Variants in YAF2 observed in about 807,000 individuals in gnomAD.
YAF2 encodes the protein YY1 associated factor 2, also known as YY1-associated factor 2.
Under a neutral mutation model 20.1 loss-of-function variants are expected in YAF2, and 7 were observed. The ratio of observed to expected loss-of-function variants is 0.35; its 90% CI spans 0.20 to 0.65. The LOEUF (loss-of-function observed/expected upper bound fraction) is 0.65. Among genes scored for constraint, YAF2 ranks in the 30% least tolerant of loss-of-function variants. The pLI is 0.69. For missense variants in YAF2, 151 were observed against 219.2 expected, an observed-to-expected ratio of 0.69 and a Z score of 1.96; for synonymous variants, 74 against 76.0, an observed-to-expected ratio of 0.97 and a Z score of 0.14.
rs995425792 is a variant in YAF2, at chr12:42,160,176, T to C, written c.*413A>G. ...TAGTTAAGTTGTTCTTTGACTTGTATACATATAACTATCTGTTTCACAATT... is the reference window on the plus strand; with the variant it reads ...TAGTTAAGTTGTTCTTTGACTTGTACACATATAACTATCTGTTTCACAATT... On this transcript the variant is annotated 3_prime_UTR_variant, in exon 4 of 4. Transcript: ENST00000534854. 1 of 165,126 alleles carries C rather than the reference T, an allele frequency of 6.1e-6. No individual in the cohort carries two copies. The highest frequency in any genetic ancestry group is 2.4e-5 in the African/African-American group (1 of 41,554). 10.2% of individuals were successfully genotyped at this position (165,126 alleles called of 1,614,324 possible).
chr12:42,205,625 G>A (rs548803637), intron 2 of YAF2, among the ~76,000 whole-genome samples: 13 of 152,084 alleles, frequency 8.5e-5, no homozygotes, highest in East Asian at 3.9e-4. Context: ...CACCCGCCTC[G>A]GCCTCCCAAA....
chr12:42,197,254 G>A, intron 2 of YAF2, among the ~76,000 whole-genome samples: 1 of 152,150 alleles, frequency 6.6e-6, no homozygotes, highest in East Asian at 1.9e-4. Context: ...TTCTAGACTG[G>A]TGTTCTTCCT....
In YAF2 at chr12:42,196,538, T is replaced by A. The variant is rs149709260; in HGVS notation, c.153-34773A>T. 5.3e-5 allele frequency among the ~76,000 whole-genome samples: 8 copies of A among 152,290 alleles called. No individual in the cohort carries two copies. In the East Asian group the frequency reaches 1.2e-3, roughly 22 times the overall value. On this transcript the variant is annotated intron_variant, in intron 2 of 3. Coordinates refer to ENST00000534854, the MANE Select transcript of YAF2 (RefSeq NM_005748.6). Reference sequence around the variant, plus strand: ...AAGTTTATAGTAGTGAGGGACCAGATTATCTAGAACAAGAGTTGCAAGTTG... The same window carrying A: ...AAGTTTATAGTAGTGAGGGACCAGAATATCTAGAACAAGAGTTGCAAGTTG...
intron 2 of YAF2, among the ~76,000 whole-genome samples, chr12:42,227,801 G>T (rs1294354373): frequency 3.4e-5 from 5 of 148,330 alleles, no homozygotes; most frequent in Admixed American, 6.6e-5. Context: ...GAGGTGGGGG[G>T]GTCAGCCCCC....
intron 2 of YAF2, among the ~76,000 whole-genome samples, chr12:42,202,239 C>G (rs2066919535): frequency 6.6e-6 from 1 of 152,104 alleles, no homozygotes; most frequent in South Asian, 2.1e-4. Context: ...TTTGTCTTTT[C>G]CTGTACTAAT....
chr12:42,207,921 T>C (rs1024696242), intron 2 of YAF2, among the ~76,000 whole-genome samples: 3 of 151,936 alleles, frequency 2.0e-5, no homozygotes, highest in Admixed American at 2.0e-4. Flanking sequence ...GGTAAGTTTA[T>C]TCATAAATCT....
intron 2 of YAF2, among the ~76,000 whole-genome samples, chr12:42,189,316 C>A (rs1592206420): frequency 6.6e-6 from 1 of 152,084 alleles, no homozygotes; most frequent in South Asian, 2.1e-4. Flanking sequence ...TGGTCTGGAG[C>A]CTGGGATTTG....
At chr12:42,207,484 T>C (rs1284131620) in intron 2 of YAF2, among the ~76,000 whole-genome samples, 1 of 152,116 alleles carries the variant, frequency 6.6e-6, no homozygotes, top group African/African-American at 2.4e-5. Flanking sequence ...AATATTATAC[T>C]AAATAATTAG....
chr12:42,160,617 G>T lies in YAF2; in HGVS notation c.515C>A (p.Ala172Asp), dbSNP rs372149820. The T allele has an allele frequency of 4.3e-6, 7 of 1,613,430 alleles. No individual in the cohort carries two copies. Among genetic ancestry groups the T allele is most frequent in the Non-Finnish European group, 4.2e-6 (5 of 1,179,666 alleles). Reference protein sequence around the residue: ...MSRSSSPRGEASSLNGESH With the variant: ...MSRSSSPRGEDSSLNGESH ...ATGAGATTCTCCATTCAATGATGAG[G>T]CTTCTCCTCTGGGTGAAGATGACCT... The change falls in exon 4 of 4, where the codon GCC (alanine) becomes GAC (aspartate). Residue 172 changes from alanine to aspartate, a missense_variant. Coordinates refer to ENST00000534854, the MANE Select transcript of YAF2 (RefSeq NM_005748.6).
chr12:42,198,354 A>G (rs1484779291), intron 2 of YAF2, among the ~76,000 whole-genome samples: 1 of 152,188 alleles, frequency 6.6e-6, no homozygotes, highest in African/African-American at 2.4e-5. Context: ...AGGCTGAGGC[A>G]GGTGGATCAC....
chr12:42,228,009 C>A (rs1277578509), intron 2 of YAF2, among the ~76,000 whole-genome samples: 2 of 132,852 alleles, frequency 1.5e-5, no homozygotes, highest in African/African-American at 5.8e-5. Flanking sequence ...CCGCCCCGTC[C>A]AGGAGGGAGG....
In YAF2 at chr12:42,199,318, A is replaced by G. The variant is rs184706371; in HGVS notation, c.153-37553T>C. On this transcript the variant is annotated intron_variant, in intron 2 of 3. Coordinates refer to ENST00000534854, the MANE Select transcript of YAF2 (RefSeq NM_005748.6). ...GACCAATAGTTTAAATCCATCAAACATAATAATATACTTTGTTTCAGGATT... is the reference window on the plus strand; with the variant it reads ...GACCAATAGTTTAAATCCATCAAACGTAATAATATACTTTGTTTCAGGATT... 1.6e-5 allele frequency: 11 copies of G among 691,652 alleles called. No individual in the cohort carries two copies. In the Admixed American group the frequency reaches 3.6e-4, roughly 22 times the overall value. 42.8% of individuals were successfully genotyped at this position (691,652 alleles called of 1,614,324 possible). A position where few individuals can be genotyped will look rare whatever the true frequency, so the allele number is the denominator to read the frequency against.
chr12:42,227,710 C>T (rs1330341616), intron 2 of YAF2, among the ~76,000 whole-genome samples: 1 of 150,160 alleles, frequency 6.7e-6, no homozygotes, highest in Non-Finnish European at 1.5e-5. Context: ...AAGTGAGGAG[C>T]GTCTCCGCCC....
chr12:42,237,949 G>C, intron 1 of YAF2: 2 of 447,978 alleles, frequency 4.5e-6, no homozygotes, highest in Non-Finnish European at 6.3e-6. Context: ...CTGACACCCG[G>C]GCGGCCGCTC....
At position 42,219,238 on chromosome 12, in the gene YAF2, C is replaced by T. The variant is rs374042176; in HGVS notation, c.152+18361G>A. ...GGAATCCACTCAACACAATTTGAAACCACTGGGCCTCCTGAGGGACAGCCA... is the reference window on the plus strand; with the variant it reads ...GGAATCCACTCAACACAATTTGAAATCACTGGGCCTCCTGAGGGACAGCCA... On this transcript the variant is annotated intron_variant, in intron 2 of 3. Transcript: ENST00000534854. 7.2e-5 allele frequency among the ~76,000 whole-genome samples: 11 copies of T among 152,180 alleles called. No homozygotes were observed. The East Asian group carries it at 1.5e-3, about 21-fold the overall frequency.
chr12:42,178,414 A>C (rs1334070692), intron 2 of YAF2, among the ~76,000 whole-genome samples: 1 of 152,224 alleles, frequency 6.6e-6, no homozygotes, highest in Non-Finnish European at 1.5e-5. Context: ...AGGATCTGCC[A>C]GGTGAAGCAA....
At chr12:42,204,526 A>T (rs920645499) in intron 2 of YAF2, among the ~76,000 whole-genome samples, 3 of 152,248 alleles carry the variant, frequency 2.0e-5, no homozygotes, top group Non-Finnish European at 4.4e-5. Context: ...ATGGGAGAAT[A>T]TGCATAGGTT....
intron 2 of YAF2, among the ~76,000 whole-genome samples, chr12:42,179,375 C>A (rs1230234511): frequency 6.6e-6 from 1 of 152,164 alleles, no homozygotes; most frequent in Non-Finnish European, 1.5e-5. Flanking sequence ...GAGGCTGAGG[C>A]AGGAGAATCG....
chr12:42,161,789 G>C lies in YAF2; in HGVS notation c.153-24C>G, dbSNP rs750761529. 7.6e-6 allele frequency: 12 copies of C among 1,575,878 alleles called. No individual in the cohort carries two copies. The East Asian group carries it at 2.7e-4, about 36-fold the overall frequency. ...TCCTGTGTGCATGTTAAAAAGAAAG[G>C]TATTTTAAATTACAACTTAAAACAT... On this transcript the variant is annotated intron_variant, in intron 2 of 3. Coordinates refer to ENST00000534854, the MANE Select transcript of YAF2 (RefSeq NM_005748.6).
Sources: allele counts gnomAD v4.1 joint callset (sites outside exome capture counted in the v4.1 genomes callset), GRCh38; gene constraint gnomAD v4.1.1; transcripts MANE v1.5; gene names NCBI Gene and HGNC (gene_info 2026-07-23, HGNC 2026-07-21).